Variants in KLK13 observed in about 807,000 individuals in gnomAD.
KLK13 encodes kallikrein-13.
Under a neutral mutation model 22.4 loss-of-function variants are expected in KLK13, and 19 were observed. The ratio of observed to expected loss-of-function variants is 0.85; its 90% CI spans 0.59 to 1.24. The LOEUF is 1.24. Ranked by LOEUF, KLK13 falls within the 50% of genes most tolerant of loss-of-function variation. KLK13 has a pLI of 0.00. For missense variants in KLK13, 311 were observed against 347.9 expected (o/e 0.89, Z 0.84); for synonymous variants, 156 against 141.8 (o/e 1.10, Z -0.71).
Position 51,059,810 on chromosome 19 carries a change from T to C in KLK13, c.508+15A>G. ...CACTCCTATGGGGCCTCAGGCCACC[T>C]GTGTGGGTGCATACCCTGGGGGCTG... On this transcript the variant is annotated intron_variant, in intron 3 of 4. Coordinates refer to ENST00000595793, the MANE Select transcript of KLK13 (RefSeq NM_015596.3). The C allele has an allele frequency of 1.9e-6, 3 of 1,573,262 alleles. No individual in the cohort carries two copies. The highest frequency in any genetic ancestry group is 2.6e-6 in the Non-Finnish European group (3 of 1,159,118).
rs112725668 is a variant in KLK13, at chr19:51,064,172, G to A, written c.52+844C>T. On this transcript the variant is annotated intron_variant, in intron 1 of 4. Transcript: ENST00000595793. ...AAGGATTAAAATAACAATCTAGAAG[G>A]TTCTGGAAGGGGCTGAGTATGAAGA... Among the ~76,000 whole-genome samples, 496 of 152,150 alleles carry A rather than the reference G, an allele frequency of 3.3e-3. 6 individuals are homozygous for A. The highest frequency in any genetic ancestry group is 8.9e-3 in the African/African-American group (368 of 41,502).
chr19:51,057,869 C>G (rs1273337173), intron 4 of KLK13, among the ~76,000 whole-genome samples: 3 of 152,214 alleles, frequency 2.0e-5, no homozygotes, highest in African/African-American at 7.2e-5. Context: ...GTCCCTGCCC[C>G]TCTCCAGCAC....
In KLK13 at chr19:51,056,654, A is replaced by G. The variant is rs778795931; in HGVS notation, c.767T>C (p.Leu256Pro). The G allele has an allele frequency of 1.2e-6, 2 of 1,614,216 alleles. No individual in the cohort carries two copies. Among genetic ancestry groups the G allele is most frequent in the Non-Finnish European group, 1.7e-6 (2 of 1,180,036 alleles). The change falls in exon 5 of 5, where the codon CTG becomes CCG. Residue 256 changes from leucine to proline, a missense_variant. Coordinates refer to ENST00000595793, the MANE Select transcript of KLK13 (RefSeq NM_015596.3). ...GVYTRVSRYVLWIRETIRKYE... is the reference protein window; with the variant it reads ...GVYTRVSRYVPWIRETIRKYE... ...TTTTCGGATTGTTTCACGGATCCAC[A>G]GGACGTATCTTGAGACACGGGTGTA...
chr19:51,058,157 G>A (rs1328271381), intron 4 of KLK13, among the ~76,000 whole-genome samples: 1 of 152,176 alleles, frequency 6.6e-6, no homozygotes, highest in Non-Finnish European at 1.5e-5. Context: ...AAGAAAGACA[G>A]AATTCCAAAC....
intron 1 of KLK13, among the ~76,000 whole-genome samples, chr19:51,060,954 G>A (rs187810567): frequency 6.6e-6 from 1 of 152,030 alleles, no homozygotes; most frequent in South Asian, 2.1e-4. Context: ...TGGATTTCAG[G>A]AGGTAGAAGT....
intron 1 of KLK13, among the ~76,000 whole-genome samples, chr19:51,061,181 TCATCCATC>T (rs57784587): frequency 0.018 from 2,602 of 143,984 alleles, 51 homozygotes; most frequent in African/African-American, 0.04. Context: ...GTCCATTTAT[TCATCCATC>T]CATCCATCCA....
intron 3 of KLK13, 96 bp from the exon 4 acceptor site, chr19:51,058,770 A>G (rs1342691153): frequency 1.6e-6 from 2 of 1,214,068 alleles, no homozygotes; most frequent in African/African-American, 3.0e-5. Context: ...GAGTAGATAG[A>G]AAATTGAGAT....
intron 1 of KLK13, among the ~76,000 whole-genome samples, chr19:51,063,002 A>C (rs1267590494): frequency 6.6e-6 from 1 of 152,200 alleles, no homozygotes; most frequent in Non-Finnish European, 1.5e-5. Context: ...GTTAAATCGC[A>C]CACTCAGACG....
At position 51,064,829 on chromosome 19, in the gene KLK13, C is replaced by T. The variant is rs544120630; in HGVS notation, c.52+187G>A. 401 of 614,220 alleles carry T rather than the reference C, an allele frequency of 6.5e-4. 5 individuals are homozygous for T. In the South Asian group the frequency reaches 7.5e-3, roughly 11 times the overall value. The allele number at this position is 614,220 out of a possible 1,614,324, so 38.0% of individuals were successfully genotyped here. ...GGTGAAGGGTCTGGGGTCGGAGGGCCAACCTCAGCCGGGAAACCAGGTCAC... is the reference window on the plus strand; with the variant it reads ...GGTGAAGGGTCTGGGGTCGGAGGGCTAACCTCAGCCGGGAAACCAGGTCAC... On this transcript the variant is annotated intron_variant, in intron 1 of 4. Transcript: ENST00000595793.
chr19:51,061,595 T>C (rs2091732107), intron 1 of KLK13, among the ~76,000 whole-genome samples: 1 of 152,234 alleles, frequency 6.6e-6, no homozygotes, highest in South Asian at 2.1e-4. Context: ...ATCTCCCAAA[T>C]ATCCAGTTAT....
chr19:51,055,678 A>G lies in KLK13; in HGVS notation c.*909T>C, dbSNP rs904476602. On this transcript the variant is annotated 3_prime_UTR_variant, in exon 5 of 5. Coordinates refer to ENST00000595793, the MANE Select transcript of KLK13 (RefSeq NM_015596.3). Reference sequence around the variant, plus strand: ...TGTAATAATGTTACAATTAAAAAAAATTATGAACCCATTTTACAGATGAGA... The same window carrying G: ...TGTAATAATGTTACAATTAAAAAAAGTTATGAACCCATTTTACAGATGAGA... Among the ~76,000 whole-genome samples, 1 of 152,208 alleles carries G rather than the reference A, an allele frequency of 6.6e-6. No individual in the cohort carries two copies. The highest frequency in any genetic ancestry group is 1.5e-5 in the Non-Finnish European group (1 of 68,038).
intron 1 of KLK13, 42 bp downstream of exon 1, chr19:51,064,974 G>T: frequency 6.6e-7 from 1 of 1,515,378 alleles, no homozygotes; most frequent in Non-Finnish European, 8.9e-7. Context: ...TCCTACCATT[G>T]TCCCGAATGG....
At chr19:51,061,181 TCATCCATCCATCCATCCATC>T (rs57784587) in intron 1 of KLK13, among the ~76,000 whole-genome samples, 2 of 143,920 alleles carry the variant, frequency 1.4e-5, no homozygotes, top group African/African-American at 5.2e-5. Flanking sequence ...GTCCATTTAT[TCATCCATCCATCCATCCATC>T]CATCCATCCA....
chr19:51,058,639 G>A lies in KLK13; in HGVS notation c.544C>T (p.Gln182Ter). Residue 182 changes from glutamine to a stop codon, truncating the protein, a stop_gained, in exon 4 of 5, where the codon CAA (glutamine) becomes TAA (stop). Transcript: ENST00000595793. LOFTEE classifies it high-confidence loss of function. ...YPKTLQCANI[Q>*]LRSDEECRQV... ...CGACACTCCTCATCTGAGCGAAGTT[G>A]GATGTTGGCACATTGTAGAGTTTTG... 1 of 1,614,156 alleles carries A rather than the reference G, an allele frequency of 6.2e-7. No homozygotes were observed. The highest frequency in any genetic ancestry group is 8.5e-7 in the Non-Finnish European group (1 of 1,180,018).
chr19:51,056,701 C>T lies in KLK13; in HGVS notation c.720G>A (p.Gly240=), dbSNP rs2091678488. The T allele has an allele frequency of 2.5e-6, 4 of 1,614,128 alleles. No individual in the cohort carries two copies. In the East Asian group the frequency reaches 6.7e-5, roughly 27 times the overall value. The change falls in exon 5 of 5, where the codon GGG becomes GGA. Residue 240 remains glycine (G), a synonymous_variant. Transcript: ENST00000595793. ...GIVSWGDFPC[G]QPDRPGVYTR... ...TGTAGACACCAGGCCGGTCAGGTTG[C>T]CCACATGGGAAGTCTCCCCAGGAGA...
At position 51,064,788 on chromosome 19, in the gene KLK13, C is replaced by A. The variant is rs1421363342; in HGVS notation, c.52+228G>T. The A allele has an allele frequency of 1.6e-5, 10 of 619,474 alleles. No homozygotes were observed. In the Admixed American group the frequency reaches 1.6e-4, roughly 10 times the overall value. 38.4% of individuals were successfully genotyped at this position (619,474 alleles called of 1,614,324 possible). A position where few individuals can be genotyped will look rare whatever the true frequency, so the allele number is the denominator to read the frequency against. ...GCCTTGAACGCGGGAGGGGCTGCTGCGAGGGTATTTTGGGAGGTGAAGGGT... is the reference window on the plus strand; with the variant it reads ...GCCTTGAACGCGGGAGGGGCTGCTGAGAGGGTATTTTGGGAGGTGAAGGGT... On this transcript the variant is annotated intron_variant, in intron 1 of 4. Coordinates refer to ENST00000595793, the MANE Select transcript of KLK13 (RefSeq NM_015596.3).
At chr19:51,060,733 A>G in intron 1 of KLK13, 114 bp from the exon 2 acceptor site, 1 of 797,374 alleles carries the variant, frequency 1.3e-6, no homozygotes, top group South Asian at 2.2e-5. Context: ...GTGACCAGGA[A>G]CTGAAGATGA....
upstream of KLK13, among the ~76,000 whole-genome samples, chr19:51,065,378 T>C (rs536604953): frequency 6.4e-4 from 97 of 152,156 alleles, no homozygotes; most frequent in African/African-American, 2.3e-3. Flanking sequence ...CGGTGCACTC[T>C]CGCCCTTTTC....
rs1182915393 is a variant in KLK13, at chr19:51,058,637, T to C, written c.546A>G (p.Gln182=). 9 of 1,613,954 alleles carry C rather than the reference T, an allele frequency of 5.6e-6. No homozygotes were observed. Among genetic ancestry groups the C allele is most frequent in the Middle Eastern group, 1.6e-4 (1 of 6,082 alleles). Reference sequence around the variant, plus strand: ...GACGACACTCCTCATCTGAGCGAAGTTGGATGTTGGCACATTGTAGAGTTT... The same window carrying C: ...GACGACACTCCTCATCTGAGCGAAGCTGGATGTTGGCACATTGTAGAGTTT... ...YPKTLQCANI[Q]LRSDEECRQV... is the part of the protein sequence containing the mutation. The change falls in exon 4 of 5, where the codon CAA becomes CAG. Residue 182 remains glutamine, a synonymous_variant. Transcript: ENST00000595793.
Sources: gnomAD v4.1 joint callset for allele counts (sites outside exome capture counted in the v4.1 genomes callset) on GRCh38, gnomAD v4.1.1 for gene constraint, MANE v1.5 for transcripts, NCBI Gene and HGNC (gene_info 2026-07-23, HGNC 2026-07-21) for gene names.